The following PCDHA5 variants were observed in gnomAD, a reference collection of about 807,000 sequenced individuals.
PCDHA5 encodes protocadherin alpha-5.
Under a neutral mutation model 61.6 loss-of-function variants are expected in PCDHA5, and 43 were observed. That is an observed-to-expected ratio of 0.70 (90% CI 0.55 to 0.90). The LOEUF is 0.90. PCDHA5 is among the 40% of genes least tolerant of loss of function. PCDHA5 has a pLI of 0.00. For missense variants in PCDHA5, 1,298 were observed against 1,222.7 expected (o/e 1.06, Z -0.92); for synonymous variants, 627 against 543.9 (o/e 1.15, Z -2.13).
chr5:140,857,419 C>G, intron 1 of PCDHA5: 3 of 1,598,332 alleles, frequency 1.9e-6, no homozygotes, highest in Non-Finnish European at 2.6e-6. Context: ...TCGCGCAGTC[C>G]GAGTACACGG....
chr5:141,005,666 C>T (rs1304126376), intron 3 of PCDHA5, among the ~76,000 whole-genome samples: 2 of 130,134 alleles, frequency 1.5e-5, no homozygotes, highest in Non-Finnish European at 3.1e-5. Context: ...CGCGCCACTG[C>T]ACTCCAGCCT....
chr5:140,822,550 T>C lies in PCDHA5; in HGVS notation c.775T>C (p.Leu259=). 1 of 1,613,768 alleles carries C rather than the reference T, an allele frequency of 6.2e-7. No individual in the cohort carries two copies. Among genetic ancestry groups the C allele is most frequent in the Non-Finnish European group, 8.5e-7 (1 of 1,179,882 alleles). Residue 259 remains leucine (L), a synonymous_variant, in exon 1 of 4, where the codon TTA becomes CTA. Coordinates refer to ENST00000529859, the MANE Select transcript of PCDHA5 (RefSeq NM_018908.3). Reference sequence around the variant, plus strand: ...GTTGGAAAATGCACCAAGTGGGACATTAGTTATTAAACTGAACGCCTCAGA... The same window carrying C: ...GTTGGAAAATGCACCAAGTGGGACACTAGTTATTAAACTGAACGCCTCAGA... The part of the protein sequence containing the change: ...RLLENAPSGT[L]VIKLNASDAD...
intron 1 of PCDHA5, chr5:140,868,630 T>G (rs1440809892): frequency 6.5e-6 from 1 of 154,578 alleles, no homozygotes; most frequent in Non-Finnish European, 1.4e-5. Context: ...CTGAATTCTC[T>G]TTCTCTCTCA....
At chr5:140,924,944 TAA>T (rs11334471) in intron 1 of PCDHA5, among the ~76,000 whole-genome samples, 87 of 142,948 alleles carry the variant, frequency 6.1e-4, no homozygotes, top group African/African-American at 2.0e-3. Flanking sequence ...AATAAAAAGT[TAA>T]AAAAAAAATG....
chr5:140,852,896 TG>T (rs2042516637), intron 1 of PCDHA5: 1 of 852,490 alleles, frequency 1.2e-6, no homozygotes, highest in Non-Finnish European at 1.4e-6. Context: ...TTTTTTTTTT[TG>T]AGTCAGAGTC....
At chr5:141,008,238 G>A (rs2098366224) in intron 3 of PCDHA5, among the ~76,000 whole-genome samples, 1 of 152,046 alleles carries the variant, frequency 6.6e-6, no homozygotes, top group Admixed American at 6.6e-5. Context: ...TACTGCTCAG[G>A]GACACCAAAT....
chr5:140,887,728 C>T (rs1313632263), intron 1 of PCDHA5, among the ~76,000 whole-genome samples: 1 of 151,970 alleles, frequency 6.6e-6, no homozygotes, highest in Non-Finnish European at 1.5e-5. Context: ...TTTTTCTTTC[C>T]TTCCATCCTT....
intron 1 of PCDHA5, among the ~76,000 whole-genome samples, chr5:140,920,557 G>A (rs1554199669): frequency 6.6e-6 from 1 of 152,158 alleles, no homozygotes; most frequent in African/African-American, 2.4e-5. Flanking sequence ...TCGAAGTGTG[G>A]CCCTTAGGCC....
At chr5:140,993,123 C>G (rs925185301) in intron 3 of PCDHA5, among the ~76,000 whole-genome samples, 1 of 152,180 alleles carries the variant, frequency 6.6e-6, no homozygotes, top group African/African-American at 2.4e-5. Context: ...ACATCAATTT[C>G]CTTCTGTTGC....
chr5:140,830,561 A>T (rs1473385985), intron 1 of PCDHA5: 9 of 998,078 alleles, frequency 9.0e-6, no homozygotes, highest in Non-Finnish European at 1.2e-5. Flanking sequence ...TGTCTTCTAT[A>T]TTTCTGTTTT....
In PCDHA5 at chr5:141,009,750, T is replaced by C; in HGVS notation, c.2624T>C (p.Ile875Thr). Residue 875 changes from isoleucine (I) to threonine (T), a missense_variant, in exon 4 of 4, where the codon ATT becomes ACT. By Grantham distance (89) the Ile-to-Thr change is moderately conservative. Coordinates refer to ENST00000529859, the MANE Select transcript of PCDHA5 (RefSeq NM_018908.3). ...CCCGGTGAGTTGCCCGACAAATTCA[T>C]TATCCCAGGATCTCCTGCAATCATC... ...SGPGELPDKF[I>T]IPGSPAIISI... 1.2e-6 allele frequency: 2 copies of C among 1,614,130 alleles called. No individual in the cohort carries two copies. The highest frequency in any genetic ancestry group is 3.3e-5 in the Admixed American group (2 of 60,026).
At chr5:140,841,586 C>A (rs1327577851) in intron 1 of PCDHA5, 4 of 1,614,026 alleles carry the variant, frequency 2.5e-6, no homozygotes, top group East Asian at 4.5e-5. Flanking sequence ...TGTGAATTCT[C>A]GGATCGACCG....
chr5:140,950,515 C>T lies in PCDHA5; in HGVS notation c.2353-28434C>T, dbSNP rs144121614. 1.4e-3 allele frequency among the ~76,000 whole-genome samples: 220 copies of T among 151,996 alleles called. 1 individual carries two copies. The highest frequency in any genetic ancestry group is 4.9e-3 in the African/African-American group (204 of 41,490). On this transcript the variant is annotated intron_variant, in intron 1 of 3. Transcript: ENST00000529859. The stretch of plus-strand genomic sequence containing the variant: ...CATTTAAGTCATTATTCCCTGTGTG[C>T]GATATGATTGTTTTTGTTGCTCTTG...
chr5:140,869,670 T>G, intron 1 of PCDHA5: 1 of 1,613,470 alleles, frequency 6.2e-7, no homozygotes, highest in Non-Finnish European at 8.5e-7. Context: ...GTAAGCAGAT[T>G]AAAAGACTGT....
chr5:140,926,311 G>C (rs2030500500), intron 1 of PCDHA5: 1 of 152,272 alleles, frequency 6.6e-6, no homozygotes, highest in South Asian at 2.1e-4. Flanking sequence ...CTCCGCCGGA[G>C]AGGTGCGCCG....
intron 1 of PCDHA5, among the ~76,000 whole-genome samples, chr5:140,913,069 C>G (rs1249708459): frequency 9.2e-5 from 14 of 152,006 alleles, no homozygotes; most frequent in Non-Finnish European, 1.5e-4. Flanking sequence ...TTTGATGTGT[C>G]ATTGTTTGGT....
At chr5:140,896,823 T>C (rs1248229696) in intron 1 of PCDHA5, among the ~76,000 whole-genome samples, 1 of 152,230 alleles carries the variant, frequency 6.6e-6, no homozygotes, top group Non-Finnish European at 1.5e-5. Context: ...ACTCTGTTCA[T>C]AGTTGTTTTT....
chr5:140,879,027 G>C (rs2057822967), intron 1 of PCDHA5, among the ~76,000 whole-genome samples: 1 of 152,184 alleles, frequency 6.6e-6, no homozygotes, highest in African/African-American at 2.4e-5. Context: ...TTTTATTGAA[G>C]AGTGTCTTGA....
rs782253021 is a variant in PCDHA5, at chr5:140,836,724, T to A, written c.2352+12597T>A. 4.3e-6 allele frequency: 7 copies of A among 1,611,936 alleles called. No individual in the cohort carries two copies. The Admixed American group carries it at 5.0e-5, about 12-fold the overall frequency. On this transcript the variant is annotated intron_variant, in intron 1 of 3. Coordinates refer to ENST00000529859, the MANE Select transcript of PCDHA5 (RefSeq NM_018908.3). ...CAGTCCCAGCCTTCCTCAGGGTCCATCCTCTACAGACAATGTGAGTCATAA... is the reference window on the plus strand; with the variant it reads ...CAGTCCCAGCCTTCCTCAGGGTCCAACCTCTACAGACAATGTGAGTCATAA...
Sources: gnomAD v4.1 joint callset for allele counts (sites outside exome capture counted in the v4.1 genomes callset) on GRCh38, gnomAD v4.1.1 for gene constraint, MANE v1.5 for transcripts, NCBI Gene and HGNC (gene_info 2026-07-23, HGNC 2026-07-21) for gene names.